Variants in ZNF521 observed in about 807,000 individuals in gnomAD.
The protein encoded by ZNF521 is zinc finger protein 521, also known as LYST-interacting protein 3.
In ZNF521, 14 loss-of-function variants were observed where a neutral mutation model predicts 105.5. The ratio of observed to expected loss-of-function variants is 0.13; its 90% confidence interval spans 0.09 to 0.21. The LOEUF is 0.21. Ranked by LOEUF, ZNF521 falls within the 10% of genes least tolerant of loss-of-function variation. The pLI, the probability that ZNF521 is intolerant of heterozygous loss-of-function variation, is 1.00. For synonymous variants in ZNF521, 635 were observed against 606.0 expected (o/e 1.05, Z -0.70); for missense variants, 1,233 against 1,629.7 (o/e 0.76, Z 4.19).
chr18:25,316,865 TTTTTTTGA>T lies in ZNF521; in HGVS notation c.220+5135_220+5142del, dbSNP rs1263620705. Among the ~76,000 whole-genome samples, 14 of 109,796 alleles carry T rather than the reference TTTTTTTGA, an allele frequency of 1.3e-4. No homozygotes were observed. In the East Asian group the frequency reaches 2.1e-3, roughly 17 times the overall value. 72.0% of individuals were successfully genotyped at this position (109,796 alleles called of 152,430 possible). ...AGTAAGACTTTTTTTTTTTTTTTTT[TTTTTTTGA>T]GACAGAGTTTCACTCTTGTCGCCTA... On this transcript the variant is annotated intron_variant, in intron 3 of 7. Transcript: ENST00000361524.
rs117466795 is a variant in ZNF521 at position 25,342,191 on chromosome 18, T to A, written c.40+8716A>T. 1.7e-3 allele frequency among the ~76,000 whole-genome samples: 266 copies of A among 152,244 alleles called. 5 individuals carry two copies. The East Asian group carries it at 0.032, about 18-fold the overall frequency. ...ACTCTTTCCAGGAATTAATATGCAC[T>A]CCCTTGAGCCCACAGTTCTTCTTAA... is the stretch of plus-strand genomic sequence containing the variant. On this transcript the variant is annotated intron_variant, in intron 2 of 7. Transcript: ENST00000361524.
At chr18:25,087,161 C>T (rs551385833) in intron 7 of ZNF521, among the ~76,000 whole-genome samples, 6 of 152,164 alleles carry the variant, frequency 3.9e-5, no homozygotes, top group African/African-American at 1.2e-4. Context: ...TCACATAAAC[C>T]AAAGCCTTTT....
chr18:25,274,518 T>G (rs1909909490), intron 3 of ZNF521, among the ~76,000 whole-genome samples: 1 of 152,154 alleles, frequency 6.6e-6, no homozygotes, highest in South Asian at 2.1e-4. Context: ...TGAATAAAAT[T>G]TCACTGACAA....
intron 4 of ZNF521, among the ~76,000 whole-genome samples, chr18:25,213,564 A>G (rs1600162656): frequency 1.3e-5 from 2 of 152,074 alleles, no homozygotes; most frequent in East Asian, 3.8e-4. Flanking sequence ...TCAAAATTTT[A>G]AAATGTAAAA....
chr18:25,142,315 G>A (rs2034864568), intron 5 of ZNF521, among the ~76,000 whole-genome samples: 1 of 152,118 alleles, frequency 6.6e-6, no homozygotes, highest in African/African-American at 2.4e-5. Context: ...GGGTTATTCA[G>A]ATGCATCACT....
At chr18:25,223,359 AGCTGACTGATG>A (rs1905862852) in intron 4 of ZNF521, among the ~76,000 whole-genome samples, 1 of 152,212 alleles carries the variant, frequency 6.6e-6, no homozygotes, top group African/African-American at 2.4e-5. Flanking sequence ...CGCCCCTGCC[AGCTGACTGATG>A]GCTATCTGCA....
intron 2 of ZNF521, among the ~76,000 whole-genome samples, chr18:25,329,617 T>C (rs1039971854): frequency 6.6e-6 from 1 of 152,102 alleles, no homozygotes; most frequent in South Asian, 2.1e-4. Flanking sequence ...GAGGGAGGGA[T>C]AGACCAGACA....
intron 2 of ZNF521, among the ~76,000 whole-genome samples, chr18:25,332,500 T>A (rs1387519198): frequency 6.6e-6 from 1 of 152,048 alleles, no homozygotes; most frequent in Non-Finnish European, 1.5e-5. Flanking sequence ...ATGTCGAAGG[T>A]TCCTTCATCC....
At chr18:25,263,770 G>A (rs1909073312) in intron 3 of ZNF521, among the ~76,000 whole-genome samples, 1 of 152,084 alleles carries the variant, frequency 6.6e-6, no homozygotes, top group South Asian at 2.1e-4. Flanking sequence ...TAGAGACGAG[G>A]TTTCACCGTG....
At chr18:25,266,300 C>T (rs1568043859) in intron 3 of ZNF521, among the ~76,000 whole-genome samples, 1 of 152,162 alleles carries the variant, frequency 6.6e-6, no homozygotes. Flanking sequence ...ATCTCATGTA[C>T]TCCTACTATG....
chr18:25,199,818 T>A (rs1181496767), intron 4 of ZNF521, among the ~76,000 whole-genome samples: 1 of 152,106 alleles, frequency 6.6e-6, no homozygotes, highest in Non-Finnish European at 1.5e-5. Flanking sequence ...TTAGTTGTTT[T>A]AAGTAGCTTT....
chr18:25,239,648 C>T (rs1435575287), intron 3 of ZNF521, among the ~76,000 whole-genome samples: 1 of 152,186 alleles, frequency 6.6e-6, no homozygotes, highest in Non-Finnish European at 1.5e-5. Flanking sequence ...GATTAAATGC[C>T]TCAAGTTTGG....
chr18:25,183,507 C>CAA (rs1262688200), intron 5 of ZNF521, among the ~76,000 whole-genome samples: 1 of 152,188 alleles, frequency 6.6e-6, no homozygotes, highest in Non-Finnish European at 1.5e-5. Flanking sequence ...CGTTACCCTA[C>CAA]ACTTCATTTA....
chr18:25,088,224 T>C (rs57196075), intron 7 of ZNF521, among the ~76,000 whole-genome samples: 79,665 of 151,396 alleles, frequency 0.53, 21,124 homozygotes, highest in Admixed American at 0.59. Context: ...CTTTTCTTTT[T>C]TTTTTTTTTG....
At chr18:25,064,778 T>C (rs1490025071) in intron 7 of ZNF521, among the ~76,000 whole-genome samples, 1 of 152,224 alleles carries the variant, frequency 6.6e-6, no homozygotes, top group Non-Finnish European at 1.5e-5. Flanking sequence ...GAAGAGGACT[T>C]AGGTCTTCCT....
At chr18:25,062,920 C>T (rs976864197) in intron 7 of ZNF521, among the ~76,000 whole-genome samples, 179 bp from the exon 8 acceptor site, 1 of 152,016 alleles carries the variant, frequency 6.6e-6, no homozygotes, top group Admixed American at 6.5e-5. Context: ...TGGGTGCCCT[C>T]TAATGTTAAA....
intron 5 of ZNF521, among the ~76,000 whole-genome samples, chr18:25,143,368 GT>G (rs1401513415): frequency 1.3e-5 from 2 of 152,234 alleles, no homozygotes; most frequent in Admixed American, 1.3e-4. Context: ...TCATGTAGAT[GT>G]TTGCTTTCAG....
In ZNF521 at chr18:25,209,195, G is replaced by A. The variant is rs541019650; in HGVS notation, c.3574-13951C>T. ...CACCCAGGCTGGAGTGCAGTGGCGC[G>A]ATCTTGGCTCACTGCAACCTCCATC... On this transcript the variant is annotated intron_variant, in intron 4 of 7. Coordinates refer to ENST00000361524, the MANE Select transcript of ZNF521 (RefSeq NM_015461.3). Among the ~76,000 whole-genome samples the A allele has an allele frequency of 1.1e-4, 16 of 151,656 alleles. No individual in the cohort carries two copies. The South Asian group carries it at 1.9e-3, about 18-fold the overall frequency.
chr18:25,110,579 C>G (rs962286535), intron 5 of ZNF521, among the ~76,000 whole-genome samples: 7 of 151,848 alleles, frequency 4.6e-5, no homozygotes, highest in Non-Finnish European at 1.0e-4. Context: ...TTTGTATCCT[C>G]AAATAATTCA....
Sources: allele counts gnomAD v4.1 joint callset (sites outside exome capture counted in the v4.1 genomes callset), GRCh38; gene constraint gnomAD v4.1.1; transcripts MANE v1.5; gene names NCBI Gene and HGNC (gene_info 2026-07-23, HGNC 2026-07-21).